The following NFIA variants were observed in gnomAD, a reference collection of about 807,000 sequenced individuals.
NFIA encodes the protein nuclear factor 1 A-type.
NFIA carries 8 observed loss-of-function variants against 62.8 expected under a neutral mutation model. That is an observed-to-expected ratio of 0.13 (90% CI 0.07 to 0.23). NFIA has a LOEUF of 0.23. NFIA is among the 10% of genes least tolerant of loss of function. The pLI is 1.00. For synonymous variants in NFIA, 235 were observed against 238.1 expected (o/e 0.99, Z 0.12); for missense variants, 410 against 642.1 (o/e 0.64, Z 3.91).
chr1:61,290,555 T>C (rs752923397), intron 3 of NFIA, among the ~76,000 whole-genome samples: 71 of 152,228 alleles, frequency 4.7e-4, no homozygotes, highest in Non-Finnish European at 9.3e-4. Context: ...TTACAAATGC[T>C]ACCCACACTG....
chr1:61,183,073 T>C (rs191218196), intron 2 of NFIA, among the ~76,000 whole-genome samples: 1 of 152,346 alleles, frequency 6.6e-6, no homozygotes, highest in Admixed American at 6.5e-5. Flanking sequence ...CCTGTTTCAG[T>C]ACTATAGTAC....
At chr1:61,188,289 T>A (rs555670894) in intron 2 of NFIA, among the ~76,000 whole-genome samples, 20 of 152,116 alleles carry the variant, frequency 1.3e-4, no homozygotes, top group African/African-American at 4.6e-4. Context: ...CATCTTTAGA[T>A]TTCAGAGAAG....
At chr1:61,191,784 A>G (rs1333880056) in intron 2 of NFIA, among the ~76,000 whole-genome samples, 1 of 152,100 alleles carries the variant, frequency 6.6e-6, no homozygotes, top group Non-Finnish European at 1.5e-5. Flanking sequence ...CCCCCCACAG[A>G]TATTGGTAAA....
intron 4 of NFIA, among the ~76,000 whole-genome samples, chr1:61,339,211 A>G: frequency 6.6e-6 from 1 of 152,234 alleles, no homozygotes; most frequent in South Asian, 2.1e-4. Context: ...TCTACTAGTA[A>G]TTTTAAAATG....
chr1:61,451,840 A>G (rs553917270), intron 10 of NFIA, among the ~76,000 whole-genome samples: 2 of 152,336 alleles, frequency 1.3e-5, no homozygotes, highest in African/African-American at 4.8e-5. Context: ...AAGGGGCTAT[A>G]AAGTACGAAG....
chr1:61,384,421 A>G (rs1664575901), intron 7 of NFIA, among the ~76,000 whole-genome samples: 1 of 152,154 alleles, frequency 6.6e-6, no homozygotes, highest in Non-Finnish European at 1.5e-5. Flanking sequence ...CACTGTGGGA[A>G]TGAAACTTAC....
intron 2 of NFIA, among the ~76,000 whole-genome samples, chr1:61,182,382 TTA>T (rs1378082400): frequency 6.6e-6 from 1 of 152,200 alleles, no homozygotes; most frequent in Non-Finnish European, 1.5e-5. Context: ...GCATGTTTGG[TTA>T]AGAGTTAGAT....
intron 2 of NFIA, among the ~76,000 whole-genome samples, chr1:61,135,124 A>G (rs1441161053): frequency 6.6e-6 from 1 of 152,240 alleles, no homozygotes; most frequent in Non-Finnish European, 1.5e-5. Flanking sequence ...ATTGCTTTAA[A>G]TTAGGAAGAA....
At chr1:61,303,193 CT>C (rs1659581485) in intron 3 of NFIA, among the ~76,000 whole-genome samples, 1 of 152,126 alleles carries the variant, frequency 6.6e-6, no homozygotes, top group Non-Finnish European at 1.5e-5. Context: ...GGTCAAATGG[CT>C]TCTAAGAGGC....
chr1:61,280,640 G>C (rs1361161368), intron 3 of NFIA, among the ~76,000 whole-genome samples: 1 of 152,182 alleles, frequency 6.6e-6, no homozygotes, highest in African/African-American at 2.4e-5. Context: ...AGTGGATGCA[G>C]CTGTTTCTTC....
At chr1:61,336,850 C>T (rs1038231287) in intron 4 of NFIA, among the ~76,000 whole-genome samples, 4 of 152,178 alleles carry the variant, frequency 2.6e-5, no homozygotes, top group Admixed American at 6.5e-5. Context: ...ATTATGACTA[C>T]TTACATGGGC....
chr1:61,441,529 C>T (rs1667584075), intron 10 of NFIA, among the ~76,000 whole-genome samples: 2 of 152,090 alleles, frequency 1.3e-5, no homozygotes, highest in African/African-American at 4.8e-5. Context: ...TAAAGTTCAG[C>T]ATTTACATTT....
intron 2 of NFIA, among the ~76,000 whole-genome samples, chr1:61,254,693 G>T (rs760740740): frequency 1.1e-4 from 17 of 152,186 alleles, no homozygotes; most frequent in Middle Eastern, 3.2e-3. Flanking sequence ...CCATCTCCCA[G>T]AATTGGGGTC....
At chr1:61,413,159 C>T (rs1490583638) in intron 9 of NFIA, among the ~76,000 whole-genome samples, 1 of 151,898 alleles carries the variant, frequency 6.6e-6, no homozygotes, top group East Asian at 1.9e-4. Context: ...AACTAGAATT[C>T]TATTAAAATA....
At chr1:61,424,464 G>A (rs1666776215) in intron 9 of NFIA, among the ~76,000 whole-genome samples, 1 of 152,032 alleles carries the variant, frequency 6.6e-6, no homozygotes, top group East Asian at 1.9e-4. Context: ...TGAGCAGCAG[G>A]CGAGTGCACA....
At chr1:61,192,315 A>G (rs1651692756) in intron 2 of NFIA, among the ~76,000 whole-genome samples, 1 of 152,230 alleles carries the variant, frequency 6.6e-6, no homozygotes, top group Admixed American at 6.5e-5. Flanking sequence ...CATATTAGAA[A>G]TAATCCAACA....
chr1:61,083,605 T>G (rs1345364292), intron 1 of NFIA, among the ~76,000 whole-genome samples: 3 of 151,502 alleles, frequency 2.0e-5, no homozygotes, highest in African/African-American at 7.3e-5. Flanking sequence ...GCCCGTTGGC[T>G]CTCCCGGAGT....
At chr1:61,234,354 T>G (rs1185308871) in intron 2 of NFIA, among the ~76,000 whole-genome samples, 4 of 101,556 alleles carry the variant, frequency 3.9e-5, no homozygotes, top group African/African-American at 8.3e-5. Flanking sequence ...GCAACAAGAG[T>G]GAAACGCCAT....
At chr1:61,227,485 C>T (rs569874285) in intron 2 of NFIA, among the ~76,000 whole-genome samples, 7 of 152,228 alleles carry the variant, frequency 4.6e-5, no homozygotes, top group South Asian at 2.1e-4. Flanking sequence ...TCCTGAAAGG[C>T]GGTATTCTTT....
Sources: gnomAD v4.1 joint callset for allele counts (sites outside exome capture counted in the v4.1 genomes callset) on GRCh38, gnomAD v4.1.1 for gene constraint, MANE v1.5 for transcripts, NCBI Gene and HGNC (gene_info 2026-07-23, HGNC 2026-07-21) for gene names.